The following WDR26 variants were observed in gnomAD, a reference collection of about 807,000 sequenced individuals.
WDR26 encodes WD repeat domain 26, also known as WD repeat-containing protein 26.
In WDR26, 5 loss-of-function variants were observed where a neutral mutation model predicts 84.1. The observed-to-expected ratio is 0.06, with a 90% CI of 0.03 to 0.13. The LOEUF (loss-of-function observed/expected upper bound fraction) is 0.13, where lower values mean the gene tolerates loss of function less well. Among genes scored for constraint, WDR26 ranks in the 10% least tolerant of loss-of-function variants. WDR26 has a pLI of 1.00. For synonymous variants in WDR26, 415 were observed against 389.6 expected, an observed-to-expected ratio of 1.07 and a Z score of -0.77; for missense variants, 642 against 974.9, an observed-to-expected ratio of 0.66 and a Z score of 4.55.
At chr1:224,409,396 C>G (rs1255189245) in intron 7 of WDR26, among the ~76,000 whole-genome samples, 16 of 152,116 alleles carry the variant, frequency 1.1e-4, no homozygotes. Context: ...TAAACATATT[C>G]TGAGAAAGAG....
chr1:224,419,847 G>A (rs1337993398), intron 4 of WDR26, among the ~76,000 whole-genome samples: 1 of 146,122 alleles, frequency 6.8e-6, no homozygotes, highest in East Asian at 2.0e-4. Context: ...TTATGTTATT[G>A]TTATATATTA....
intron 5 of WDR26, 46 bp from the exon 6 acceptor site, chr1:224,418,462 A>G (rs1355401071): frequency 1.3e-6 from 2 of 1,519,292 alleles, no homozygotes; most frequent in Non-Finnish European, 1.8e-6. Context: ...AATAAACTGT[A>G]AACTTTTATT....
intron 3 of WDR26, 159 bp downstream of exon 3, chr1:224,431,315 TAAA>T (rs1384836365): frequency 5.0e-5 from 30 of 602,386 alleles, no homozygotes; most frequent in Non-Finnish European, 8.1e-5. Context: ...TTTAAAGAAA[TAAA>T]ACTCATACTT....
intron 9 of WDR26, among the ~76,000 whole-genome samples, chr1:224,400,680 G>T (rs1673387798): frequency 6.6e-6 from 1 of 152,046 alleles, no homozygotes; most frequent in African/African-American, 2.4e-5. Flanking sequence ...CGAGTAGCTG[G>T]GATTACAGGC....
chr1:224,426,273 A>G (rs1424993627), intron 3 of WDR26, among the ~76,000 whole-genome samples: 3 of 152,370 alleles, frequency 2.0e-5, no homozygotes, highest in East Asian at 3.9e-4. Flanking sequence ...AAGATTTTCT[A>G]TCAAGGAGTA....
chr1:224,400,892 CA>C (rs1482402464), intron 9 of WDR26, 57 bp downstream of exon 9: 1 of 1,588,522 alleles, frequency 6.3e-7, no homozygotes, highest in East Asian at 2.3e-5. Flanking sequence ...ATTGTTTAAA[CA>C]AAAGTACATT....
chr1:224,409,636 C>T (rs1382952272), intron 7 of WDR26, among the ~76,000 whole-genome samples: 1 of 151,598 alleles, frequency 6.6e-6, no homozygotes, highest in Non-Finnish European at 1.5e-5. Context: ...TCGAGGTGGG[C>T]GATCAGCTGA....
In WDR26 at chr1:224,389,949, A is replaced by C. The variant is rs1021557153; in HGVS notation, c.2261-89T>G. ...AAAAAATTACCAGTTAGAAAGTTTCAAAATTAGCATTATGACATTACAAAA... is the reference window on the plus strand; with the variant it reads ...AAAAAATTACCAGTTAGAAAGTTTCCAAATTAGCATTATGACATTACAAAA... On this transcript the variant is annotated intron_variant, in intron 13 of 13. Transcript: ENST00000414423. The C allele has an allele frequency of 9.9e-6, 10 of 1,008,434 alleles. No individual in the cohort carries two copies. In the African/African-American group the frequency reaches 1.5e-4, roughly 15 times the overall value. The allele number at this position is 1,008,434 out of a possible 1,614,324, so 62.5% of individuals were successfully genotyped here.
intron 7 of WDR26, among the ~76,000 whole-genome samples, chr1:224,407,151 A>AAAAAAAAAATATATAT: frequency 1.7e-4 from 2 of 11,868 alleles, no homozygotes; most frequent in South Asian, 4.8e-3. Context: ...AAAAAAAAAA[A>AAAAAAAAAATATATAT]ATATATATAT....
intron 12 of WDR26, 163 bp downstream of exon 12, chr1:224,397,934 A>T (rs920588006): frequency 3.7e-5 from 29 of 790,666 alleles, no homozygotes; most frequent in Admixed American, 6.8e-5. Flanking sequence ...TTGTGATAAT[A>T]CAGGGGCTTA....
At chr1:224,403,903 C>T (rs1186852999) in intron 8 of WDR26, among the ~76,000 whole-genome samples, 5 of 152,168 alleles carry the variant, frequency 3.3e-5, no homozygotes, top group Non-Finnish European at 5.9e-5. Flanking sequence ...CGCCACCGCA[C>T]TCCAGCCTGG....
intron 3 of WDR26, among the ~76,000 whole-genome samples, chr1:224,427,288 A>T (rs1243397718): frequency 6.6e-6 from 1 of 152,000 alleles, no homozygotes; most frequent in African/African-American, 2.4e-5. Flanking sequence ...CTTAAAAAAA[A>T]ATTTCAGGGC....
intron 6 of WDR26, 126 bp from the exon 7 acceptor site, chr1:224,411,691 T>C (rs1673742179): frequency 2.8e-6 from 3 of 1,080,874 alleles, no homozygotes; most frequent in Non-Finnish European, 3.8e-6. Flanking sequence ...AAGAAGTGAA[T>C]GCATTTGTAA....
chr1:224,407,047 G>A (rs1203395027), intron 7 of WDR26, among the ~76,000 whole-genome samples: 1 of 144,952 alleles, frequency 6.9e-6, no homozygotes. Context: ...GCTTGAACCC[G>A]GGAGGTGAAG....
At chr1:224,409,881 G>GA (rs999159460) in intron 7 of WDR26, among the ~76,000 whole-genome samples, 1 of 150,344 alleles carries the variant, frequency 6.7e-6, no homozygotes, top group Admixed American at 6.6e-5. Flanking sequence ...AAAAAGAAAA[G>GA]AAAAAAAAAT....
intron 3 of WDR26, chr1:224,430,474 G>A (rs1422220538): frequency 1.3e-5 from 2 of 151,852 alleles, no homozygotes; most frequent in African/African-American, 4.8e-5. Context: ...ATTATACTGA[G>A]TTTGAAAACT....
intron 4 of WDR26, among the ~76,000 whole-genome samples, chr1:224,422,714 C>CAA (rs57059923): frequency 0.015 from 2,264 of 146,090 alleles, 32 homozygotes; most frequent in Non-Finnish European, 0.021. Context: ...AACTCTGTCT[C>CAA]AAAAAAAAAA....
chr1:224,421,323 C>T (rs756987883), intron 4 of WDR26, among the ~76,000 whole-genome samples: 12 of 152,164 alleles, frequency 7.9e-5, no homozygotes, highest in Non-Finnish European at 1.5e-4. Flanking sequence ...GTAATCAGCA[C>T]GCCTGTAATC....
intron 13 of WDR26, 46 bp from the exon 14 acceptor site, chr1:224,389,906 G>GC: frequency 6.4e-6 from 3 of 470,730 alleles, no homozygotes; most frequent in Non-Finnish European, 7.9e-6. Context: ...GCGGGGGAGG[G>GC]AAGAGGGGAA....
Sources: gnomAD v4.1 joint callset for allele counts (sites outside exome capture counted in the v4.1 genomes callset) on GRCh38, gnomAD v4.1.1 for gene constraint, MANE v1.5 for transcripts, NCBI Gene and HGNC (gene_info 2026-07-23, HGNC 2026-07-21) for gene names.